The following TAFA2 variants were observed in gnomAD, a reference collection of about 807,000 sequenced individuals.
TAFA2 encodes TAFA chemokine like family member 2, also known as chemokine-like protein TAFA-2.
TAFA2 carries 7 observed loss-of-function variants against 18.8 expected under a neutral mutation model. That is an observed-to-expected ratio of 0.37 (90% CI 0.21 to 0.70). The LOEUF is 0.70. Ranked by LOEUF, TAFA2 falls within the 30% of genes least tolerant of loss-of-function variation. TAFA2 has a pLI of 0.53. For synonymous variants in TAFA2, 60 were observed against 54.2 expected (o/e 1.11, Z -0.47); for missense variants, 122 against 158.1 (o/e 0.77, Z 1.23).
chr12:61,983,901 G>A (rs1388450522), intron 1 of TAFA2, among the ~76,000 whole-genome samples: 7 of 152,108 alleles, frequency 4.6e-5, no homozygotes, highest in African/African-American at 1.7e-4. Context: ...AAGCATCCCA[G>A]AGTCTCCTGC....
chr12:62,237,882 G>T (rs1438419512), intron 1 of TAFA2, among the ~76,000 whole-genome samples: 1 of 152,218 alleles, frequency 6.6e-6, no homozygotes, highest in Non-Finnish European at 1.5e-5. Flanking sequence ...AGGAGTTCAT[G>T]CACAGAAGAC....
intron 4 of TAFA2, among the ~76,000 whole-genome samples, chr12:61,743,623 A>T (rs1460373360): frequency 6.6e-6 from 1 of 152,082 alleles, no homozygotes; most frequent in Non-Finnish European, 1.5e-5. Flanking sequence ...TATTAGGTGC[A>T]CTTCACAAAC....
rs564609341 is a variant in TAFA2, at chr12:61,830,148, G to C, written c.106+37172C>G. Among the ~76,000 whole-genome samples, 58 of 151,146 alleles carry C rather than the reference G, an allele frequency of 3.8e-4. 1 individual carries two copies. The South Asian group carries it at 0.012, about 31-fold the overall frequency. ...GACTGGATGATTGGATAAATGTTAT[G>C]ATCCAATGGATCCAATGAATGATTG... On this transcript the variant is annotated intron_variant, in intron 2 of 4. Transcript: ENST00000416284.
chr12:62,131,514 G>A (rs1445738160), intron 1 of TAFA2, among the ~76,000 whole-genome samples: 1 of 151,994 alleles, frequency 6.6e-6, no homozygotes, highest in Non-Finnish European at 1.5e-5. Context: ...TTTCAATTGT[G>A]CTCCTGCAAC....
chr12:61,963,601 T>G (rs1266752819), intron 1 of TAFA2, among the ~76,000 whole-genome samples: 1 of 151,980 alleles, frequency 6.6e-6, no homozygotes, highest in African/African-American at 2.4e-5. Context: ...TATTAGCCCT[T>G]TGTCAGATGG....
At chr12:62,257,162 ATGTGTGTGTG>A (rs71450578) in intron 1 of TAFA2, among the ~76,000 whole-genome samples, 1 of 50,916 alleles carries the variant, frequency 2.0e-5, no homozygotes, top group African/African-American at 6.1e-5. Flanking sequence ...ATACATATAT[ATGTGTGTGTG>A]TGTGTGTGTG....
At chr12:61,897,625 G>A (rs1446299184) in intron 1 of TAFA2, among the ~76,000 whole-genome samples, 1 of 152,022 alleles carries the variant, frequency 6.6e-6, no homozygotes, top group Non-Finnish European at 1.5e-5. Context: ...ACTATCACAA[G>A]AACAGCATAG....
intron 1 of TAFA2, among the ~76,000 whole-genome samples, chr12:62,101,767 T>A (rs1439947602): frequency 6.6e-6 from 1 of 152,164 alleles, no homozygotes; most frequent in Admixed American, 6.5e-5. Context: ...TACTAGCCAA[T>A]GGTATAGCAC....
At chr12:62,144,806 G>A (rs1405551691) in intron 1 of TAFA2, among the ~76,000 whole-genome samples, 1 of 152,116 alleles carries the variant, frequency 6.6e-6, no homozygotes, top group Non-Finnish European at 1.5e-5. Context: ...TGCCTTCCCA[G>A]GATGGACTGG....
intron 4 of TAFA2, among the ~76,000 whole-genome samples, chr12:61,718,124 G>A (rs1032190298): frequency 2.0e-5 from 3 of 152,110 alleles, no homozygotes; most frequent in African/African-American, 7.2e-5. Flanking sequence ...ATCTGTCAAT[G>A]GCTTTCAGCT....
intron 2 of TAFA2, among the ~76,000 whole-genome samples, chr12:61,850,723 T>G (rs1873606531): frequency 6.6e-6 from 1 of 152,036 alleles, no homozygotes; most frequent in Non-Finnish European, 1.5e-5. Context: ...GGAATTACAG[T>G]GAAAGATTAT....
chr12:62,187,023 A>G (rs2062590838), intron 1 of TAFA2, among the ~76,000 whole-genome samples: 1 of 152,284 alleles, frequency 6.6e-6, no homozygotes, highest in African/African-American at 2.4e-5. Flanking sequence ...TGATATCAAT[A>G]TATTTCTGGC....
intron 1 of TAFA2, among the ~76,000 whole-genome samples, chr12:61,941,499 C>A (rs12309121): frequency 0.047 from 7,204 of 152,224 alleles, 568 homozygotes; most frequent in African/African-American, 0.16. Flanking sequence ...CCAGCTTGAG[C>A]GAAGCAGAAG....
chr12:61,738,889 T>C (rs1868353746), intron 4 of TAFA2, among the ~76,000 whole-genome samples: 1 of 152,144 alleles, frequency 6.6e-6, no homozygotes, highest in East Asian at 1.9e-4. Flanking sequence ...ACATTAGTAT[T>C]TCTTTAACAA....
intron 1 of TAFA2, among the ~76,000 whole-genome samples, chr12:61,873,988 G>A (rs1280265971): frequency 6.6e-6 from 1 of 152,078 alleles, no homozygotes; most frequent in Admixed American, 6.5e-5. Context: ...CATGTATGTT[G>A]TGTGTTATAT....
intron 2 of TAFA2, among the ~76,000 whole-genome samples, chr12:61,846,809 A>G (rs1009965030): frequency 7.2e-5 from 11 of 152,198 alleles, no homozygotes; most frequent in Admixed American, 2.0e-4. Flanking sequence ...CAAAAAATAC[A>G]AAGCGATTTC....
In TAFA2 at chr12:61,816,207, G is replaced by A. The variant is rs1430976811; in HGVS notation, c.106+51113C>T. On this transcript the variant is annotated intron_variant, in intron 2 of 4. Transcript: ENST00000416284. ...CACCATCAAGTAGACCCCAGTGTCT[G>A]TTGCTCCCTTCTTTGTATTCATGAG... Among the ~76,000 whole-genome samples the A allele has an allele frequency of 2.0e-5, 3 of 151,148 alleles. No homozygotes were observed. The East Asian group carries it at 5.8e-4, about 29-fold the overall frequency.
intron 2 of TAFA2, among the ~76,000 whole-genome samples, chr12:61,797,437 C>G (rs1267178311): frequency 6.6e-6 from 1 of 152,062 alleles, no homozygotes; most frequent in Non-Finnish European, 1.5e-5. Context: ...CCAAACAGTC[C>G]CGGGATACTG....
Position 61,906,035 on chromosome 12 carries a change from T to G in TAFA2, c.-1-38609A>C, listed in dbSNP as rs558769222. Among the ~76,000 whole-genome samples, 7 of 152,332 alleles carry G rather than the reference T, an allele frequency of 4.6e-5. No homozygotes were observed. The East Asian group carries it at 1.3e-3, about 29-fold the overall frequency. The stretch of plus-strand genomic sequence containing the variant: ...GAAAGTATACTAATTCAGAGTAACT[T>G]CAGAGACATGAAATTGGTCCTTAAT... On this transcript the variant is annotated intron_variant, in intron 1 of 4. Transcript: ENST00000416284.
Sources: allele counts gnomAD v4.1 joint callset (sites outside exome capture counted in the v4.1 genomes callset), GRCh38; gene constraint gnomAD v4.1.1; transcripts MANE v1.5; gene names NCBI Gene and HGNC (gene_info 2026-07-23, HGNC 2026-07-21).